The following PCDH9 variants were observed in gnomAD, a reference collection of about 807,000 sequenced individuals.
PCDH9 encodes protocadherin 9, also known as protocadherin-9.
In PCDH9, 24 loss-of-function variants were observed where a neutral mutation model predicts 70.6. The observed-to-expected ratio is 0.34, with a 90% CI of 0.25 to 0.48. The LOEUF (loss-of-function observed/expected upper bound fraction) is 0.48. Ranked by LOEUF, PCDH9 falls within the 20% of genes least tolerant of loss-of-function variation. The pLI, the probability that PCDH9 is intolerant of heterozygous loss-of-function variation, is 0.99. For synonymous variants in PCDH9, 562 were observed against 558.5 expected, an observed-to-expected ratio of 1.01 and a Z score of -0.09; for missense variants, 1,281 against 1,503.6, an observed-to-expected ratio of 0.85 and a Z score of 2.45.
chr13:67,130,727 A>G (rs2087092507), intron 2 of PCDH9, among the ~76,000 whole-genome samples: 2 of 152,204 alleles, frequency 1.3e-5, no homozygotes, highest in South Asian at 2.1e-4. Context: ...CATCATAGGA[A>G]CATCTTATCA....
intron 4 of PCDH9, among the ~76,000 whole-genome samples, chr13:66,519,317 A>G (rs1959883686): frequency 6.6e-6 from 1 of 152,146 alleles, no homozygotes; most frequent in African/African-American, 2.4e-5. Context: ...AACAATCAGT[A>G]CAGATACCCA....
At chr13:66,969,762 T>C (rs903128508) in intron 2 of PCDH9, among the ~76,000 whole-genome samples, 1 of 152,022 alleles carries the variant, frequency 6.6e-6, no homozygotes, top group South Asian at 2.1e-4. Flanking sequence ...GACTCAATTA[T>C]AGAAGCTAAA....
At chr13:66,683,656 A>C (rs1006294189) in intron 3 of PCDH9, among the ~76,000 whole-genome samples, 3 of 152,220 alleles carry the variant, frequency 2.0e-5, no homozygotes, top group Admixed American at 1.3e-4. Flanking sequence ...AAACAGGCTA[A>C]GGAAAAAATA....
At chr13:66,405,631 G>A (rs773490181) in intron 4 of PCDH9, among the ~76,000 whole-genome samples, 1 of 152,148 alleles carries the variant, frequency 6.6e-6, no homozygotes, top group African/African-American at 2.4e-5. Context: ...GAGGGTGACT[G>A]AGCATGAACC....
At chr13:66,711,668 G>C (rs1364918494) in intron 3 of PCDH9, among the ~76,000 whole-genome samples, 3 of 152,134 alleles carry the variant, frequency 2.0e-5, no homozygotes, top group African/African-American at 2.4e-5. Context: ...ATGAAAATTA[G>C]AGTTAATGTT....
intron 4 of PCDH9, among the ~76,000 whole-genome samples, chr13:66,521,513 C>T (rs1353428931): frequency 6.6e-6 from 1 of 152,070 alleles, no homozygotes; most frequent in Non-Finnish European, 1.5e-5. Flanking sequence ...TTTATGAAAA[C>T]TGTCAAAAGA....
intron 3 of PCDH9, among the ~76,000 whole-genome samples, chr13:66,752,900 C>A (rs550626012): frequency 6.6e-6 from 1 of 152,258 alleles, no homozygotes; most frequent in African/African-American, 2.4e-5. Flanking sequence ...GTGGGAAGAA[C>A]AAATGCCAGG....
At chr13:66,580,218 AT>A (rs2076871271) in intron 4 of PCDH9, among the ~76,000 whole-genome samples, 1 of 152,020 alleles carries the variant, frequency 6.6e-6, no homozygotes. Flanking sequence ...TTCTCTTATA[AT>A]TATGTATCAA....
chr13:66,776,532 G>T (rs1412833228), intron 3 of PCDH9, among the ~76,000 whole-genome samples: 3 of 151,654 alleles, frequency 2.0e-5, no homozygotes, highest in African/African-American at 4.8e-5. Context: ...ATTCACAATT[G>T]CTTCAAAGAG....
chr13:66,520,581 C>T (rs919250491), intron 4 of PCDH9, among the ~76,000 whole-genome samples: 9 of 152,178 alleles, frequency 5.9e-5, no homozygotes, highest in African/African-American at 2.2e-4. Flanking sequence ...TAAAATTAAT[C>T]TATCGAATAT....
intron 3 of PCDH9, among the ~76,000 whole-genome samples, chr13:66,779,849 C>CTATGTA (rs2079964407): frequency 1.3e-5 from 1 of 78,920 alleles, no homozygotes. Flanking sequence ...CTCTCTCTCT[C>CTATGTA]TATATATATA....
At chr13:66,827,593 C>A (rs147498736) in intron 3 of PCDH9, among the ~76,000 whole-genome samples, 1 of 152,184 alleles carries the variant, frequency 6.6e-6, no homozygotes, top group East Asian at 1.9e-4. Context: ...GTTGGCAGGA[C>A]TTGTTGATGG....
At chr13:66,826,527 G>A (rs891110542) in intron 3 of PCDH9, among the ~76,000 whole-genome samples, 3 of 152,088 alleles carry the variant, frequency 2.0e-5, no homozygotes, top group African/African-American at 7.2e-5. Context: ...AATTGGAATA[G>A]TATATTATTT....
chr13:67,062,821 C>T (rs989640164), intron 2 of PCDH9, among the ~76,000 whole-genome samples: 17 of 152,184 alleles, frequency 1.1e-4, no homozygotes, highest in Admixed American at 5.2e-4. Context: ...AGATTTGGTC[C>T]TTTCTAATAT....
Position 67,226,287 on chromosome 13 carries a change from C to G in PCDH9, c.2154G>C (p.Val718=), listed in dbSNP as rs41283952. 63,864 of 1,613,918 alleles carry G rather than the reference C, an allele frequency of 0.04. 1,772 individuals are homozygous for G. The highest frequency in any genetic ancestry group is 0.13 in the Admixed American group (8,010 of 60,004). Residue 718 remains valine, a synonymous_variant, in exon 2 of 5, where the codon GTG becomes GTC. Transcript: ENST00000377865. The surrounding 1 kb of genome is among the most constrained non-coding windows in gnomAD (Gnocchi z 5.0). ...GMNAELKYTI[V]SGNNKGLFRI... ...GGAATAAGCCTTTATTGTTTCCACT[C>G]ACTATAGTATACTTTAGTTCAGCGT...
chr13:66,954,146 C>T (rs1011638602), intron 2 of PCDH9, among the ~76,000 whole-genome samples: 3 of 152,134 alleles, frequency 2.0e-5, no homozygotes, highest in African/African-American at 7.2e-5. Flanking sequence ...TGAAATAACA[C>T]AATTATCTAT....
chr13:66,750,112 A>T (rs76810739), intron 3 of PCDH9, among the ~76,000 whole-genome samples: 1 of 152,036 alleles, frequency 6.6e-6, no homozygotes, highest in Non-Finnish European at 1.5e-5. Context: ...CACACACAAT[A>T]AAAAAATGAG....
At chr13:66,737,509 G>A (rs2079171008) in intron 3 of PCDH9, among the ~76,000 whole-genome samples, 1 of 152,216 alleles carries the variant, frequency 6.6e-6, no homozygotes, top group East Asian at 1.9e-4. Flanking sequence ...TGGCCGAATA[G>A]GAACAGCTCC....
intron 4 of PCDH9, among the ~76,000 whole-genome samples, chr13:66,525,648 T>A (rs980303181): frequency 6.6e-6 from 1 of 152,146 alleles, no homozygotes; most frequent in Non-Finnish European, 1.5e-5. Flanking sequence ...TTTAAAACAT[T>A]TGTCTACATT....
Sources: allele counts gnomAD v4.1 joint callset (sites outside exome capture counted in the v4.1 genomes callset), GRCh38; gene constraint gnomAD v4.1.1; non-coding constraint Gnocchi (gnomAD v3.1); transcripts MANE v1.5; gene names NCBI Gene and HGNC (gene_info 2026-07-23, HGNC 2026-07-21).